The following SRGAP3 variants were observed in gnomAD, a reference collection of about 807,000 sequenced individuals.
SRGAP3 encodes SLIT-ROBO Rho GTPase activating protein 3.
In SRGAP3, 39 loss-of-function variants were observed where a neutral mutation model predicts 121.1. The ratio of observed to expected loss-of-function variants is 0.32; its 90% CI spans 0.25 to 0.42. The LOEUF (loss-of-function observed/expected upper bound fraction) is 0.42. Ranked by LOEUF, SRGAP3 falls within the 10% of genes least tolerant of loss-of-function variation. SRGAP3 has a pLI of 1.00. For missense variants in SRGAP3, 1,213 were observed against 1,470.6 expected (o/e 0.82, Z 2.86); for synonymous variants, 601 against 570.0 (o/e 1.05, Z -0.77).
chr3:9,345,493 A>G (rs1955868679), intron 1 of SRGAP3, among the ~76,000 whole-genome samples: 1 of 150,442 alleles, frequency 6.6e-6, no homozygotes, highest in South Asian at 2.1e-4. Context: ...AAAAAAAAAG[A>G]AAAAAGAGGC....
chr3:9,224,344 A>G (rs2648533), intron 1 of SRGAP3, among the ~76,000 whole-genome samples: 92,030 of 152,058 alleles, frequency 0.61, 28,188 homozygotes, highest in East Asian at 0.78. Context: ...TGGAAAAGGG[A>G]ATAGAGGGAG....
At chr3:9,073,180 G>T (rs796815883) in intron 4 of SRGAP3, among the ~76,000 whole-genome samples, 5 of 152,268 alleles carry the variant, frequency 3.3e-5, no homozygotes, top group African/African-American at 1.2e-4. Context: ...GTCTTACTCT[G>T]TCCCCCAGGC....
At chr3:9,268,267 G>A (rs1043459624) in intron 3 of SRGAP3, among the ~76,000 whole-genome samples, 5 of 151,642 alleles carry the variant, frequency 3.3e-5, no homozygotes, top group African/African-American at 1.2e-4. Flanking sequence ...TGGGATTAGT[G>A]CCCTTATAAG....
rs765408588 is a variant in SRGAP3 at position 9,262,534 on chromosome 3, C to CAAAAAAAAAAAAAAAA, written n.442+63460_442+63475dup. On this transcript the variant is annotated intron_variant and non_coding_transcript_variant, in intron 3 of 3. Coordinates refer to the SRGAP3 transcript ENST00000490889. ...GAAGATTTACCAAGCAAATGGAAAGCAAAAAAAAAAAAAAAAAAAAAAGCA... is the reference window on the plus strand; with the variant it reads ...GAAGATTTACCAAGCAAATGGAAAGCAAAAAAAAAAAAAAAAAAAAAAAAAAAAAAAAAAAAAAGCA... Among the ~76,000 whole-genome samples the CAAAAAAAAAAAAAAAA allele has an allele frequency of 2.9e-3, 74 of 25,554 alleles. 8 individuals carry two copies. Among genetic ancestry groups the CAAAAAAAAAAAAAAAA allele is most frequent in the Non-Finnish European group, 3.7e-3 (49 of 13,266 alleles). The allele number at this position is 25,554 out of a possible 152,430, so 16.8% of individuals were successfully genotyped here. A position where few individuals can be genotyped will look rare whatever the true frequency, so the allele number is the denominator to read the frequency against.
chr3:9,186,841 C>T (rs1481101176), intron 1 of SRGAP3, among the ~76,000 whole-genome samples: 1 of 152,214 alleles, frequency 6.6e-6, no homozygotes, highest in African/African-American at 2.4e-5. Flanking sequence ...TGCTATTCTA[C>T]AGAGGAACAG....
intron 18 of SRGAP3, among the ~76,000 whole-genome samples, chr3:9,010,028 T>C (rs1035512720): frequency 3.3e-5 from 5 of 152,192 alleles, no homozygotes; most frequent in African/African-American, 1.2e-4. Flanking sequence ...TTAGGATTTG[T>C]ACCTGGGCCA....
At chr3:9,157,377 C>A (rs1427088134) in intron 1 of SRGAP3, among the ~76,000 whole-genome samples, 1 of 152,150 alleles carries the variant, frequency 6.6e-6, no homozygotes, top group South Asian at 2.1e-4. Context: ...CCCACCAGGT[C>A]CCCCTCCAAC....
intron 2 of SRGAP3, among the ~76,000 whole-genome samples, chr3:9,123,397 A>ATATATAC (rs764680440): frequency 9.0e-5 from 8 of 89,224 alleles, no homozygotes; most frequent in African/African-American, 3.0e-4. Flanking sequence ...ATACATACAC[A>ATATATAC]ATACACATAC....
At chr3:9,172,931 G>A (rs541475338) in intron 1 of SRGAP3, among the ~76,000 whole-genome samples, 35 of 152,354 alleles carry the variant, frequency 2.3e-4, no homozygotes, top group African/African-American at 6.7e-4. Context: ...CAGGGACGCC[G>A]CAGGCAGGAA....
At chr3:9,115,842 T>TA (rs974022623) in intron 2 of SRGAP3, among the ~76,000 whole-genome samples, 1 of 151,840 alleles carries the variant, frequency 6.6e-6, no homozygotes, top group Non-Finnish European at 1.5e-5. Context: ...GTTTCAGCTT[T>TA]AAAAAAAACA....
chr3:9,187,911 C>A (rs1951648024), intron 1 of SRGAP3, among the ~76,000 whole-genome samples: 1 of 152,206 alleles, frequency 6.6e-6, no homozygotes, highest in Admixed American at 6.5e-5. Flanking sequence ...ACCAGGTTCA[C>A]AACAAATCCC....
intron 2 of SRGAP3, among the ~76,000 whole-genome samples, chr3:9,110,433 C>T (rs1375959191): frequency 1.3e-5 from 2 of 152,220 alleles, no homozygotes; most frequent in Admixed American, 6.5e-5. Context: ...TTTAAAACCA[C>T]AGAACAACAA....
At chr3:9,285,666 T>G (rs753302207) in intron 3 of SRGAP3, among the ~76,000 whole-genome samples, 5 of 151,884 alleles carry the variant, frequency 3.3e-5, no homozygotes, top group African/African-American at 9.7e-5. Context: ...TGTGGTGGCA[T>G]GTGCCTGTAG....
Position 9,056,362 on chromosome 3 carries a change from G to T in SRGAP3, c.1024-28C>A, listed in dbSNP as rs1346668776. The T allele has an allele frequency of 1.2e-6, 2 of 1,607,504 alleles. 1 individual carries two copies. The highest frequency in any genetic ancestry group is 3.3e-5 in the Admixed American group (2 of 60,002). On this transcript the variant is annotated intron_variant, in intron 7 of 21. Transcript: ENST00000383836. ...GCAGGAATAACAGCCACCATCTGTG[G>T]TTGCCCTGTGCCCTCCTCACCTGTG...
chr3:9,144,218 A>G lies in SRGAP3; in HGVS notation c.68-19301T>C, dbSNP rs142718374. 8.1e-4 allele frequency among the ~76,000 whole-genome samples: 123 copies of G among 152,366 alleles called. 1 individual carries two copies. The highest frequency in any genetic ancestry group is 2.9e-3 in the African/African-American group (120 of 41,580). On this transcript the variant is annotated intron_variant, in intron 1 of 21. Transcript: ENST00000383836. The stretch of plus-strand genomic sequence containing the variant: ...ACCAAAACCTTAATGTGCTTTTAGG[A>G]TAACAGATCAAGTCCTTTATGTGGC...
chr3:9,085,811 G>C (rs911579702), intron 3 of SRGAP3, among the ~76,000 whole-genome samples: 7 of 152,172 alleles, frequency 4.6e-5, no homozygotes, highest in African/African-American at 1.4e-4. Context: ...GCCTATCGGA[G>C]GATGGATGGT....
At chr3:9,067,432 C>T (rs1946482295) in intron 4 of SRGAP3, among the ~76,000 whole-genome samples, 1 of 151,866 alleles carries the variant, frequency 6.6e-6, no homozygotes, top group South Asian at 2.1e-4. Flanking sequence ...CCTAAGACTC[C>T]AAAAAACCCC....
chr3:9,182,644 T>A (rs115658668), intron 1 of SRGAP3, among the ~76,000 whole-genome samples: 9,205 of 152,232 alleles, frequency 0.06, 356 homozygotes, highest in African/African-American at 0.098. Flanking sequence ...AAAATTTTTT[T>A]AATTTTTATT....
chr3:9,073,524 G>T (rs1344452903), intron 4 of SRGAP3, among the ~76,000 whole-genome samples: 1 of 152,198 alleles, frequency 6.6e-6, no homozygotes, highest in Non-Finnish European at 1.5e-5. Context: ...AGCACTCGGA[G>T]TCTGGAGCAG....
Sources: allele counts gnomAD v4.1 joint callset (sites outside exome capture counted in the v4.1 genomes callset), GRCh38; gene constraint gnomAD v4.1.1; transcripts MANE v1.5; gene names NCBI Gene and HGNC (gene_info 2026-07-23, HGNC 2026-07-21).